The following MIDEAS variants were observed in gnomAD, a reference collection of about 807,000 sequenced individuals.
MIDEAS encodes mitotic deacetylase-associated SANT domain protein.
A neutral mutation model predicts 102.7 loss-of-function variants in MIDEAS; 26 were observed. The observed-to-expected ratio is 0.25, with a 90% CI of 0.19 to 0.35. The LOEUF is 0.35. Among genes scored for constraint, MIDEAS ranks in the 10% least tolerant of loss-of-function variants. The pLI is 1.00. For missense variants in MIDEAS, 1,231 were observed against 1,435.6 expected, an observed-to-expected ratio of 0.86 and a Z score of 2.30; for synonymous variants, 585 against 591.0, an observed-to-expected ratio of 0.99 and a Z score of 0.15.
rs2052902786 is a variant in MIDEAS, at chr14:73,717,030, A to T, written c.*1813T>A. On this transcript the variant is annotated 3_prime_UTR_variant, in exon 13 of 13. Transcript: ENST00000423556. ...CTGGGGATCTAGGTAGTCATCCAAG[A>T]GTCTGGAGGGAGAAGAAATTTGTTA... The T allele has an allele frequency of 6.6e-6, 1 of 152,610 alleles. No homozygotes were observed. The highest frequency in any genetic ancestry group is 1.5e-5 in the Non-Finnish European group (1 of 68,062). 9.5% of individuals were successfully genotyped at this position (152,610 alleles called of 1,614,324 possible).
chr14:73,751,542 G>T (rs923638188), intron 1 of MIDEAS, among the ~76,000 whole-genome samples: 3 of 151,898 alleles, frequency 2.0e-5, no homozygotes, highest in Non-Finnish European at 4.4e-5. Context: ...CTTTGCCTAA[G>T]AGGAAGTCAC....
chr14:73,785,027 C>T (rs2053793284), intron 1 of MIDEAS, among the ~76,000 whole-genome samples: 1 of 151,424 alleles, frequency 6.6e-6, no homozygotes, highest in South Asian at 2.1e-4. Flanking sequence ...TGGAGAAACT[C>T]CAGTGCACTG....
chr14:73,748,561 A>G (rs2053381985), intron 1 of MIDEAS, among the ~76,000 whole-genome samples: 1 of 151,840 alleles, frequency 6.6e-6, no homozygotes. Flanking sequence ...AGGGATGGAA[A>G]AAGAGATACC....
At chr14:73,769,109 G>T (rs2053618699) in intron 1 of MIDEAS, among the ~76,000 whole-genome samples, 1 of 152,172 alleles carries the variant, frequency 6.6e-6, no homozygotes, top group African/African-American at 2.4e-5. Flanking sequence ...TCCTCCCAGG[G>T]TCTCCCTCGC....
chr14:73,730,251 C>A (rs1181441916), intron 3 of MIDEAS: 15 of 626,070 alleles, frequency 2.4e-5, no homozygotes. Context: ...TATTCCTCTT[C>A]TTTCCCTTTT....
intron 1 of MIDEAS, among the ~76,000 whole-genome samples, chr14:73,775,459 C>T (rs2053681103): frequency 6.6e-6 from 1 of 151,978 alleles, no homozygotes; most frequent in Non-Finnish European, 1.5e-5. Context: ...TAAACTAGGC[C>T]AGAACCAACA....
At chr14:73,758,143 T>C (rs1414694394) in intron 1 of MIDEAS, among the ~76,000 whole-genome samples, 1 of 152,174 alleles carries the variant, frequency 6.6e-6, no homozygotes. Flanking sequence ...ACCAGGGCCA[T>C]GCAACGAGAT....
At chr14:73,783,868 A>G (rs1198778528) in intron 1 of MIDEAS, among the ~76,000 whole-genome samples, 1 of 152,182 alleles carries the variant, frequency 6.6e-6, no homozygotes, top group Non-Finnish European at 1.5e-5. Flanking sequence ...TGCCCTCTTT[A>G]GCTGGGGGTG....
chr14:73,773,984 T>C (rs1444010771), intron 1 of MIDEAS, among the ~76,000 whole-genome samples: 2 of 142,360 alleles, frequency 1.4e-5, no homozygotes, highest in Non-Finnish European at 3.0e-5. Context: ...ATCACACCAC[T>C]GCACTCCAGC....
chr14:73,769,786 G>C (rs554042449), intron 1 of MIDEAS, among the ~76,000 whole-genome samples: 1 of 152,070 alleles, frequency 6.6e-6, no homozygotes, highest in Non-Finnish European at 1.5e-5. Flanking sequence ...ATTTTTAGTA[G>C]AGACGGGGTT....
upstream of MIDEAS, among the ~76,000 whole-genome samples, chr14:73,764,949 C>A (rs370815954): frequency 1.6e-4 from 24 of 152,220 alleles, no homozygotes; most frequent in African/African-American, 5.5e-4. Context: ...CTGGGAGAGA[C>A]GTCTGGCCGG....
At chr14:73,754,630 G>C (rs1366488140) in intron 1 of MIDEAS, among the ~76,000 whole-genome samples, 1 of 152,200 alleles carries the variant, frequency 6.6e-6, no homozygotes, top group African/African-American at 2.4e-5. Context: ...ATTCGGACTA[G>C]ATGTCCCAAA....
In MIDEAS at chr14:73,719,233, T is replaced by TCCACC. The variant is rs1428989366; in HGVS notation, c.3134+67_3134+71dup. 1.6e-5 allele frequency: 9 copies of TCCACC among 563,690 alleles called. No homozygotes were observed. In the East Asian group the frequency reaches 2.0e-4, roughly 13 times the overall value. The allele number at this position is 563,690 out of a possible 1,614,324, so 34.9% of individuals were successfully genotyped here. A position where few individuals can be genotyped will look rare whatever the true frequency, so the allele number is the denominator to read the frequency against. On this transcript the variant is annotated intron_variant, in intron 12 of 12. Transcript: ENST00000423556. ...CCGCCTGTACCTCTTCCCCCTCCCC[T>TCCACC]CCACCCCACCCCCGCCCCCTCCGCG...
chr14:73,738,106 A>T (rs1367318237), intron 2 of MIDEAS, among the ~76,000 whole-genome samples: 1 of 152,072 alleles, frequency 6.6e-6, no homozygotes, highest in Non-Finnish European at 1.5e-5. Flanking sequence ...CTTCTATAGA[A>T]AGTGCTTCTG....
Position 73,721,520 on chromosome 14 carries a change from C to T in MIDEAS, c.2725-11G>A. 6.2e-7 allele frequency: 1 copy of T among 1,612,526 alleles called. No individual in the cohort carries two copies. Among genetic ancestry groups the T allele is most frequent in the Non-Finnish European group, 8.5e-7 (1 of 1,178,666 alleles). On this transcript the variant is annotated splice_polypyrimidine_tract_variant and intron_variant, in intron 10 of 12. Transcript: ENST00000423556. Reference sequence around the variant, plus strand: ...GAACTTTTGGGAAGTCTATGGGGAACAAGAACAAGGGCAGTGAGCCTAGAG... The same window carrying T: ...GAACTTTTGGGAAGTCTATGGGGAATAAGAACAAGGGCAGTGAGCCTAGAG...
In MIDEAS at chr14:73,729,742, C is replaced by T. The variant is rs753418426; in HGVS notation, c.1993G>A (p.Glu665Lys). ...GCATTGAAGTAGAGGCCAGAGCCTT[C>T]CCGCACAGGGCTGAGGATGGGGGGC... Reference protein sequence around the residue: ...TPPPILSPVREGSGLYFNAII... With the variant: ...TPPPILSPVRKGSGLYFNAII... The change falls in exon 4 of 13, where the codon GAA becomes AAA. Residue 665 changes from glutamate to lysine, a missense_variant. This residue lies in a region of MIDEAS where 5 missense variants were observed against 27.4 expected (regional missense o/e 0.18). Transcript: ENST00000423556. The T allele has an allele frequency of 3.1e-6, 5 of 1,614,080 alleles. No individual in the cohort carries two copies. The highest frequency in any genetic ancestry group is 3.3e-5 in the Admixed American group (2 of 60,032).
chr14:73,766,824 T>C (rs754348440), intron 1 of MIDEAS, among the ~76,000 whole-genome samples: 1 of 148,702 alleles, frequency 6.7e-6, no homozygotes. Context: ...AAGTGCTGGG[T>C]TTACAGGCGT....
At chr14:73,727,611 G>A (rs1345419220) in intron 4 of MIDEAS, 87 bp from the exon 5 acceptor site, 2 of 1,277,312 alleles carry the variant, frequency 1.6e-6, no homozygotes, top group Non-Finnish European at 2.2e-6. Context: ...ATGTGCAAGA[G>A]TCACAGTGGT....
Position 73,738,879 on chromosome 14 carries a change from A to T in MIDEAS, c.1130T>A (p.Leu377Gln). 1 of 1,557,374 alleles carries T rather than the reference A, an allele frequency of 6.4e-7. No individual in the cohort carries two copies. Among genetic ancestry groups the T allele is most frequent in the Non-Finnish European group, 8.7e-7 (1 of 1,152,026 alleles). The change falls in exon 2 of 13, where the codon CTA becomes CAA. Residue 377 changes from leucine (L) to glutamine (Q), a missense_variant. Coordinates refer to ENST00000423556, the MANE Select transcript of MIDEAS (RefSeq NM_001367710.1). ...PGQEATGNLF[L>Q]HHWPLQQPPP... ...CGGCTGCTGCAGGGGCCAGTGATGT[A>T]GGAACAGGTTGCCAGTGGCCTCCTG...
Sources: allele counts gnomAD v4.1 joint callset (sites outside exome capture counted in the v4.1 genomes callset), GRCh38; gene constraint gnomAD v4.1.1; regional missense constraint gnomAD v4.1.1; transcripts MANE v1.5; gene names NCBI Gene and HGNC (gene_info 2026-07-23, HGNC 2026-07-21).